The following TRHDE variants were observed in gnomAD, a reference collection of about 807,000 sequenced individuals.
TRHDE encodes the protein thyrotropin-releasing hormone-degrading ectoenzyme.
TRHDE carries 72 observed loss-of-function variants against 125.7 expected under a neutral mutation model. The observed-to-expected ratio is 0.57, with a 90% CI of 0.47 to 0.70. The LOEUF (loss-of-function observed/expected upper bound fraction) is 0.70. Ranked by LOEUF, TRHDE falls within the 30% of genes least tolerant of loss-of-function variation. The pLI, the probability that TRHDE is intolerant of heterozygous loss-of-function variation, is 0.00. For synonymous variants in TRHDE, 509 were observed against 509.1 expected, an observed-to-expected ratio of 1.00 and a Z score of 0.00; for missense variants, 1,110 against 1,327.1, an observed-to-expected ratio of 0.84 and a Z score of 2.54.
At chr12:72,233,907 A>G (rs1244614921) in intron 2 of TRHDE, among the ~76,000 whole-genome samples, 2 of 152,172 alleles carry the variant, frequency 1.3e-5, no homozygotes, top group South Asian at 2.1e-4. Context: ...TAATTTTTCA[A>G]TCACCTAGCT....
chr12:72,324,905 G>A (rs142349601), intron 2 of TRHDE, among the ~76,000 whole-genome samples: 27 of 151,996 alleles, frequency 1.8e-4, no homozygotes, highest in African/African-American at 5.3e-4. Flanking sequence ...CACAAACATC[G>A]TTCTAGACAT....
intron 3 of TRHDE, among the ~76,000 whole-genome samples, chr12:72,397,521 C>T (rs1565726830): frequency 6.6e-6 from 1 of 152,162 alleles, no homozygotes; most frequent in Non-Finnish European, 1.5e-5. Flanking sequence ...TGAGGCCCTC[C>T]ACCATCTAAT....
At chr12:72,567,873 T>A (rs1334275452) in intron 9 of TRHDE, among the ~76,000 whole-genome samples, 1 of 152,104 alleles carries the variant, frequency 6.6e-6, no homozygotes, top group Admixed American at 6.6e-5. Flanking sequence ...TCAATTTTTA[T>A]CCTATAAAAA....
At chr12:72,530,416 CT>C (rs71438816) in intron 6 of TRHDE, among the ~76,000 whole-genome samples, 893 of 68,498 alleles carry the variant, frequency 0.013, 8 homozygotes, top group Middle Eastern at 0.034. Flanking sequence ...TTCCTAGAAG[CT>C]TTTTTTTTTT....
chr12:72,509,592 G>A (rs957577577), intron 6 of TRHDE, among the ~76,000 whole-genome samples: 1 of 152,064 alleles, frequency 6.6e-6, no homozygotes, highest in Non-Finnish European at 1.5e-5. Flanking sequence ...TTACTTAAAT[G>A]TCACCTTCTC....
chr12:72,296,487 C>G (rs1171443011), intron 2 of TRHDE, among the ~76,000 whole-genome samples: 1 of 151,802 alleles, frequency 6.6e-6, no homozygotes, highest in East Asian at 1.9e-4. Context: ...TCTCTGTTCT[C>G]CATTAGGAAA....
At chr12:72,582,495 T>TGTA in intron 12 of TRHDE, 2 of 985,440 alleles carry the variant, frequency 2.0e-6, no homozygotes, top group Non-Finnish European at 2.4e-6. Context: ...GATGGCTCTC[T>TGTA]TGTACCTCGT....
intron 7 of TRHDE, among the ~76,000 whole-genome samples, chr12:72,551,848 G>C (rs1869690900): frequency 6.6e-6 from 1 of 152,114 alleles, no homozygotes; most frequent in African/African-American, 2.4e-5. Context: ...TGGGTGGTTG[G>C]AGCAACTCTA....
At chr12:72,317,774 T>C (rs909663512) in intron 2 of TRHDE, among the ~76,000 whole-genome samples, 2 of 151,932 alleles carry the variant, frequency 1.3e-5, no homozygotes, top group Non-Finnish European at 2.9e-5. Flanking sequence ...AGGGGGGAAT[T>C]ATAGGATGGA....
At chr12:72,414,842 C>T (rs1873664043) in intron 3 of TRHDE, among the ~76,000 whole-genome samples, 2 of 152,066 alleles carry the variant, frequency 1.3e-5, no homozygotes, top group Non-Finnish European at 2.9e-5. Flanking sequence ...TTAATTATTA[C>T]AACATAGTCG....
At position 72,096,091 on chromosome 12, in the gene TRHDE, T is replaced by A. The variant is rs573103441; in HGVS notation, n.174+8652T>A. Among the ~76,000 whole-genome samples, 9 of 150,832 alleles carry A rather than the reference T, an allele frequency of 6.0e-5. No individual in the cohort carries two copies. In the South Asian group the frequency reaches 1.9e-3, roughly 32 times the overall value. On this transcript the variant is annotated intron_variant and non_coding_transcript_variant, in intron 1 of 4. Coordinates refer to the TRHDE transcript ENST00000548156. ...ATTTTGGACTTGTCAGCCTCCATAA[T>A]CATGTGAGCTGATTCCTTAAGATAA...
intron 12 of TRHDE, among the ~76,000 whole-genome samples, chr12:72,604,757 T>G (rs1592567422): frequency 6.6e-6 from 1 of 152,126 alleles, no homozygotes; most frequent in African/African-American, 2.4e-5. Context: ...GCTTCAACTT[T>G]AGAAAATTAC....
intron 2 of TRHDE, among the ~76,000 whole-genome samples, chr12:72,198,649 T>C (rs1269173089): frequency 6.6e-6 from 1 of 152,198 alleles, no homozygotes; most frequent in East Asian, 1.9e-4. Flanking sequence ...GAACTAGATA[T>C]GTGGCTTTGG....
At position 72,499,551 on chromosome 12, in the gene TRHDE, T is replaced by C; in HGVS notation, c.1638T>C (p.Gly546=). The C allele has an allele frequency of 6.2e-7, 1 of 1,613,870 alleles. No homozygotes were observed. Among genetic ancestry groups the C allele is most frequent in the Non-Finnish European group, 8.5e-7 (1 of 1,179,882 alleles). ...TGCATGAAGTGATGCTGCTGGACGG[T>C]TTGGCCAGTTCCCATCCAGTATCAC... The part of the protein sequence containing the change: ...DVLHEVMLLD[G]LASSHPVSQE... Residue 546 remains glycine, a synonymous_variant, in exon 6 of 19, where the codon GGT becomes GGC. Coordinates refer to ENST00000261180, the MANE Select transcript of TRHDE (RefSeq NM_013381.3).
At chr12:72,125,241 G>GT (rs1875686159) in intron 2 of TRHDE, among the ~76,000 whole-genome samples, 2 of 152,204 alleles carry the variant, frequency 1.3e-5, no homozygotes, top group Middle Eastern at 6.8e-3. Flanking sequence ...TGTATAGAGA[G>GT]TTTTGTTTCT....
chr12:72,540,891 A>G (rs1869113003), intron 6 of TRHDE, among the ~76,000 whole-genome samples: 1 of 151,684 alleles, frequency 6.6e-6, no homozygotes, highest in Non-Finnish European at 1.5e-5. Context: ...TCATTTGTTG[A>G]GATGAGAATA....
chr12:72,464,629 CA>C (rs1193784398), intron 3 of TRHDE, among the ~76,000 whole-genome samples: 4 of 152,036 alleles, frequency 2.6e-5, no homozygotes, highest in African/African-American at 9.7e-5. Flanking sequence ...AAATGAAAAA[CA>C]AAGCAAAACA....
intron 2 of TRHDE, among the ~76,000 whole-genome samples, chr12:72,300,613 G>C (rs188229662): frequency 6.7e-6 from 1 of 150,118 alleles, no homozygotes; most frequent in Non-Finnish European, 1.5e-5. Flanking sequence ...GATGTATAGC[G>C]TGTGTGTGTG....
chr12:72,272,049 C>T (rs911643605), upstream of TRHDE: 5 of 457,350 alleles, frequency 1.1e-5, no homozygotes, highest in Non-Finnish European at 1.8e-5. This position sits in a 1 kb window ranked among gnomAD's most constrained non-coding sequence, Gnocchi z 6.7. Flanking sequence ...TCTCTCCCAC[C>T]TCGGCCATCC....
Sources: allele counts gnomAD v4.1 joint callset (sites outside exome capture counted in the v4.1 genomes callset), GRCh38; gene constraint gnomAD v4.1.1; non-coding constraint Gnocchi (gnomAD v3.1); transcripts MANE v1.5; gene names NCBI Gene and HGNC (gene_info 2026-07-23, HGNC 2026-07-21).